The following PKD1 variants were observed in gnomAD, a reference collection of about 807,000 sequenced individuals.
The protein encoded by PKD1 is polycystin-1.
In PKD1, 81 loss-of-function variants were observed where a neutral mutation model predicts 361.7. The observed-to-expected ratio is 0.22, with a 90% confidence interval of 0.19 to 0.27. PKD1 has a LOEUF of 0.27. PKD1 is among the 10% of genes least tolerant of loss of function. The probability of loss-of-function intolerance (pLI) is 1.00; values close to 1 mark genes in which losing one functional copy is unlikely to be tolerated. For synonymous variants in PKD1, 3,615 were observed against 2,818.3 expected, an observed-to-expected ratio of 1.28 and a Z score of -8.95; for missense variants, 6,399 against 6,118.3, an observed-to-expected ratio of 1.05 and a Z score of -1.53.
Position 2,133,544 on chromosome 16 carries a change from A to G in PKD1, c.215+1931T>C, listed in dbSNP as rs1315757664. On this transcript the variant is annotated intron_variant, in intron 1 of 45. Transcript: ENST00000262304. ...TGGGGAAAACCCAGCCGTCTCCCCG[A>G]GGAGGAGTTTGCAGGGTAGACAGCA... Among the ~76,000 whole-genome samples the G allele has an allele frequency of 7.9e-5, 12 of 151,206 alleles. No individual in the cohort carries two copies. In the East Asian group the frequency reaches 2.3e-3, roughly 29 times the overall value.
intron 8 of PKD1, 51 bp downstream of exon 8, chr16:2,116,478 C>T (rs755570898): frequency 7.8e-6 from 8 of 1,031,770 alleles, no homozygotes; most frequent in Non-Finnish European, 1.2e-5. Context: ...GCAGGCAAGG[C>T]CTCCAGGGGC....
chr16:2,121,923 A>G (rs946404387), intron 1 of PKD1, among the ~76,000 whole-genome samples: 1 of 152,172 alleles, frequency 6.6e-6, no homozygotes, highest in Non-Finnish European at 1.5e-5. Flanking sequence ...GCCAGCCCCA[A>G]GCCGGGGCGG....
In PKD1 at chr16:2,105,966, G is replaced by A. The variant is rs1168835336; in HGVS notation, c.7762C>T (p.Leu2588=). The part of the protein sequence containing the change: ...NGSATGLTVW[L]HGLTASVLPG... ...AGCACACTAGCGGTGAGCCCGTGCA[G>A]CCAGACTGTGAGCCCCGTTGCGCTG... The change falls in exon 20 of 46, where the codon CTG becomes TTG. Residue 2588 remains leucine (L), a synonymous_variant. Transcript: ENST00000262304. 1 of 1,600,942 alleles carries A rather than the reference G, an allele frequency of 6.2e-7. No individual in the cohort carries two copies. Among genetic ancestry groups the A allele is most frequent in the African/African-American group, 1.3e-5 (1 of 74,956 alleles).
chr16:2,119,298 G>A lies in PKD1; in HGVS notation c.287+9C>T. On this transcript the variant is annotated intron_variant, in intron 2 of 45. Transcript: ENST00000262304. ...GCCCCGCATGCTGGCACGACTGGGG[G>A]ACACTCACAGCTCTGCCAGCGCCGA... is the stretch of plus-strand genomic sequence containing the variant. The A allele has an allele frequency of 8.8e-7, 1 of 1,132,018 alleles. No homozygotes were observed. Among genetic ancestry groups the A allele is most frequent in the Non-Finnish European group, 1.3e-6 (1 of 779,160 alleles). 70.1% of individuals were successfully genotyped at this position (1,132,018 alleles called of 1,614,324 possible).
chr16:2,108,186 G>A (rs1285684186), intron 15 of PKD1, 66 bp downstream of exon 15: 60 of 1,508,674 alleles, frequency 4.0e-5, no homozygotes, highest in Middle Eastern at 2.4e-4. Flanking sequence ...GGCAAGCTGG[G>A]TGTTCTCTGG....
Position 2,109,104 on chromosome 16 carries a change from C to G in PKD1, c.6063G>C (p.Leu2021=), listed in dbSNP as rs377144996. The part of the protein sequence containing the change: ...QKVQGDSLVI[L]SGRDVTYTPV... ...GCGTGTAGGTGACGTCGCGGCCCGA[C>G]AGGATGACCAGCGAGTCGCCCTGGA... The change falls in exon 15 of 46, where the codon CTG becomes CTC. Residue 2021 remains leucine (L), a synonymous_variant. Coordinates refer to ENST00000262304, the MANE Select transcript of PKD1 (RefSeq NM_001009944.3). 1 of 1,603,256 alleles carries G rather than the reference C, an allele frequency of 6.2e-7. No homozygotes were observed. The highest frequency in any genetic ancestry group is 2.2e-5 in the East Asian group (1 of 44,630).
Position 2,091,506 on chromosome 16 carries a change from C to T in PKD1, c.11629G>A (p.Gly3877Ser), listed in dbSNP as rs905876751. ...ACGCTGAGGGCGGCCAGGGCGCGGCCGGCCGCCGGGAACTCGAGGCGCAGC... is the reference window on the plus strand; with the variant it reads ...ACGCTGAGGGCGGCCAGGGCGCGGCTGGCCGCCGGGAACTCGAGGCGCAGC... Reference protein sequence around the residue: ...VTLRLEFPAAGRALAALSVRP... With the variant: ...VTLRLEFPAASRALAALSVRP... The change falls in exon 42 of 46, where the codon GGC becomes AGC. Residue 3877 changes from glycine (G) to serine (S), a missense_variant. Coordinates refer to ENST00000262304, the MANE Select transcript of PKD1 (RefSeq NM_001009944.3). 9.1e-6 allele frequency: 13 copies of T among 1,433,938 alleles called. No individual in the cohort carries two copies. The highest frequency in any genetic ancestry group is 3.0e-5 in the Admixed American group (1 of 33,366). 88.8% of individuals were successfully genotyped at this position (1,433,938 alleles called of 1,614,324 possible). A position where few individuals can be genotyped will look rare whatever the true frequency, so the allele number is the denominator to read the frequency against.
At chr16:2,129,977 C>T (rs1262834394) in intron 1 of PKD1, among the ~76,000 whole-genome samples, 4 of 152,194 alleles carry the variant, frequency 2.6e-5, no homozygotes, top group African/African-American at 4.8e-5. Context: ...AGTGGGAGCT[C>T]GGGTGCCCCA....
intron 1 of PKD1, among the ~76,000 whole-genome samples, chr16:2,133,611 GGC>G (rs2092915151): frequency 6.6e-6 from 1 of 152,040 alleles, no homozygotes; most frequent in Non-Finnish European, 1.5e-5. Context: ...TGGCCTGGGG[GGC>G]CAGCCAGGGC....
rs1170942464 is a variant in PKD1, at chr16:2,108,687, C to T, written c.6480G>A (p.Leu2160=). 15 of 1,569,174 alleles carry T rather than the reference C, an allele frequency of 9.6e-6. No homozygotes were observed. Among genetic ancestry groups the T allele is most frequent in the Non-Finnish European group, 1.2e-5 (14 of 1,157,966 alleles). Residue 2160 remains leucine, a synonymous_variant, in exon 15 of 46, where the codon CTG becomes CTA. Coordinates refer to ENST00000262304, the MANE Select transcript of PKD1 (RefSeq NM_001009944.3). ...AGTAGTTGCGCTGTGATCGCCGCAT[C>T]AGCACCTGCAGGGGCAGGACCACGT... ...EVDVVLPLQV[L]MRRSQRNYLE...
chr16:2,112,200 T>C, intron 14 of PKD1, 140 bp downstream of exon 14: 1 of 789,210 alleles, frequency 1.3e-6, no homozygotes, highest in Non-Finnish European at 2.1e-6. Context: ...CTCACCCCAG[T>C]AGGGGCCTAA....
chr16:2,127,869 A>C (rs2092818741), intron 1 of PKD1, among the ~76,000 whole-genome samples: 1 of 146,240 alleles, frequency 6.8e-6, no homozygotes, highest in South Asian at 2.3e-4. Context: ...ACTGAACAGG[A>C]AACTAGAGAG....
chr16:2,088,760 G>A lies in PKD1; in HGVS notation c.*967C>T. ...TTTGTCTGCTTGGTGCGGGGGTTGG[G>A]GGGGTGTCGAGGCTCTAGAAGCGGC... On this transcript the variant is annotated 3_prime_UTR_variant, in exon 46 of 46. Coordinates refer to ENST00000262304, the MANE Select transcript of PKD1 (RefSeq NM_001009944.3). 8.6e-7 allele frequency: 1 copy of A among 1,162,828 alleles called. No homozygotes were observed. Among genetic ancestry groups the A allele is most frequent in the South Asian group, 1.5e-5 (1 of 65,378 alleles). The allele number at this position is 1,162,828 out of a possible 1,614,324, so 72.0% of individuals were successfully genotyped here.
Position 2,090,000 on chromosome 16 carries a change from G to A in PKD1, c.12639C>T (p.Ser4213=). The change falls in exon 46 of 46, where the codon TCC becomes TCT. Residue 4213 remains serine (S), a synonymous_variant. Transcript: ENST00000262304. Reference sequence around the variant, plus strand: ...GGGCCTCGAACACGGCTTGGAGGCGGGAGGGCTCAGGCTCACACCTTGTCC... The same window carrying A: ...GGGCCTCGAACACGGCTTGGAGGCGAGAGGGCTCAGGCTCACACCTTGTCC... The part of the protein sequence containing the change: ...RLGTRCEPEP[S]RLQAVFEALL... 5.0e-6 allele frequency: 8 copies of A among 1,610,260 alleles called. No individual in the cohort carries two copies. Among genetic ancestry groups the A allele is most frequent in the Non-Finnish European group, 6.8e-6 (8 of 1,179,086 alleles).
At chr16:2,103,162 A>G in intron 23 of PKD1, 104 bp downstream of exon 23, 1 of 1,395,322 alleles carries the variant, frequency 7.2e-7, no homozygotes, top group Admixed American at 2.0e-5. Flanking sequence ...CCCATGAAAC[A>G]GAAAGCAAAT....
At position 2,092,032 on chromosome 16, in the gene PKD1, C is replaced by T. The variant is rs752098720; in HGVS notation, c.11411+15G>A. 9 of 1,612,628 alleles carry T rather than the reference C, an allele frequency of 5.6e-6. No homozygotes were observed. Among genetic ancestry groups the T allele is most frequent in the African/African-American group, 2.7e-5 (2 of 74,940 alleles). ...TGTCCTTGGCGTAGACGCCCGGGGC[C>T]CTCGCTCTGCTCACCCCAGCAGATC... On this transcript the variant is annotated intron_variant, in intron 40 of 45. Coordinates refer to ENST00000262304, the MANE Select transcript of PKD1 (RefSeq NM_001009944.3).
chr16:2,114,987 C>T (rs1211670952), intron 10 of PKD1, 62 bp from the exon 11 acceptor site: 13 of 1,520,620 alleles, frequency 8.5e-6, no homozygotes, highest in East Asian at 2.4e-5. Context: ...GACCCCCGCA[C>T]GACGGATGAG....
chr16:2,096,851 C>T (rs2091868515), intron 34 of PKD1: 1 of 490,176 alleles, frequency 2.0e-6, no homozygotes, highest in Non-Finnish European at 3.7e-6. Context: ...CCCATAATTT[C>T]TCACTGCTCT....
Position 2,091,883 on chromosome 16 carries a change from G to C in PKD1, c.11435C>G (p.Ala3812Gly). ...CACGTAGCCCCCGCTGTCATACACGGCACAGGAGCCCCAGGACCATGCCCT... is the reference window on the plus strand; with the variant it reads ...CACGTAGCCCCCGCTGTCATACACGCCACAGGAGCCCCAGGACCATGCCCT... ...LLGAWSWGSC[A>G]VYDSGGYVQE... Residue 3812 changes from alanine to glycine, a missense_variant, in exon 41 of 46, where the codon GCC becomes GGC. By Grantham distance (60) the Ala-to-Gly change is moderately conservative. Coordinates refer to ENST00000262304, the MANE Select transcript of PKD1 (RefSeq NM_001009944.3). The C allele has an allele frequency of 6.2e-7, 1 of 1,611,338 alleles. No homozygotes were observed. The highest frequency in any genetic ancestry group is 1.1e-5 in the South Asian group (1 of 91,028).
Sources: allele counts gnomAD v4.1 joint callset (sites outside exome capture counted in the v4.1 genomes callset), GRCh38; gene constraint gnomAD v4.1.1; transcripts MANE v1.5; gene names NCBI Gene and HGNC (gene_info 2026-07-23, HGNC 2026-07-21).